PDE11A: variants seen among roughly 807,000 people sequenced by gnomAD.
PDE11A encodes the protein dual 3',5'-cyclic-AMP and -GMP phosphodiesterase 11A.
PDE11A carries 100 observed loss-of-function variants against 100.5 expected under a neutral mutation model. That is an observed-to-expected ratio of 1.00 (90% CI 0.85 to 1.18). The LOEUF (loss-of-function observed/expected upper bound fraction) is 1.18, where lower values mean the gene tolerates loss of function less well. PDE11A is among the 50% of genes most tolerant of loss of function. PDE11A has a pLI of 0.00. For missense variants in PDE11A, 1,141 were observed against 1,152.6 expected, an observed-to-expected ratio of 0.99 and a Z score of 0.15; for synonymous variants, 381 against 420.8, an observed-to-expected ratio of 0.91 and a Z score of 1.16.
chr2:177,810,449 A>AT (rs1237517105), intron 9 of PDE11A, among the ~76,000 whole-genome samples: 1 of 152,170 alleles, frequency 6.6e-6, no homozygotes, highest in African/African-American at 2.4e-5. Flanking sequence ...GGGATTAGAA[A>AT]TTTTTATAGA....
At chr2:177,783,572 C>A (rs796874378) in intron 9 of PDE11A, among the ~76,000 whole-genome samples, 12 of 152,274 alleles carry the variant, frequency 7.9e-5, no homozygotes, top group African/African-American at 2.9e-4. Flanking sequence ...TTATTCCTTG[C>A]AATATAGGCA....
At chr2:177,910,911 G>T (rs544543631) in intron 2 of PDE11A, among the ~76,000 whole-genome samples, 1 of 152,258 alleles carries the variant, frequency 6.6e-6, no homozygotes, top group South Asian at 2.1e-4. Flanking sequence ...GAATGCCGGG[G>T]GTCTACACTG....
intron 1 of PDE11A, among the ~76,000 whole-genome samples, chr2:178,049,312 G>T (rs1559054196): frequency 6.6e-6 from 1 of 152,168 alleles, no homozygotes; most frequent in Non-Finnish European, 1.5e-5. Flanking sequence ...GTGAATAAAA[G>T]AAAGTAATCA....
intron 6 of PDE11A, among the ~76,000 whole-genome samples, chr2:177,836,959 C>T (rs551127668): frequency 2.6e-5 from 4 of 152,242 alleles, no homozygotes; most frequent in African/African-American, 7.2e-5. Flanking sequence ...ACACTCACCA[C>T]AAGGGTCCAC....
chr2:177,823,523 G>T (rs529502848), intron 6 of PDE11A, among the ~76,000 whole-genome samples: 1 of 152,224 alleles, frequency 6.6e-6, no homozygotes, highest in South Asian at 2.1e-4. Context: ...ACCCCATGAA[G>T]TAGGTACTGT....
chr2:177,696,408 T>A (rs2081112944), intron 15 of PDE11A, among the ~76,000 whole-genome samples: 1 of 152,172 alleles, frequency 6.6e-6, no homozygotes, highest in African/African-American at 2.4e-5. Flanking sequence ...GAAAGGCAGC[T>A]GGAGATTGGG....
At chr2:178,060,330 T>A (rs887940283) in intron 1 of PDE11A, among the ~76,000 whole-genome samples, 1 of 151,994 alleles carries the variant, frequency 6.6e-6, no homozygotes, top group African/African-American at 2.4e-5. Flanking sequence ...GGAAAAAAAA[T>A]AAAAGAAAAC....
chr2:177,648,645 G>A (rs1307539635), intron 19 of PDE11A, among the ~76,000 whole-genome samples: 1 of 152,052 alleles, frequency 6.6e-6, no homozygotes, highest in Non-Finnish European at 1.5e-5. Context: ...CTAGGATTAT[G>A]AGACATTAAA....
intron 1 of PDE11A, among the ~76,000 whole-genome samples, chr2:178,016,009 G>C (rs1292040567): frequency 1.3e-5 from 2 of 152,010 alleles, no homozygotes; most frequent in Non-Finnish European, 2.9e-5. Flanking sequence ...CTGTCACCCA[G>C]GCTGGAATGC....
chr2:177,986,701 G>A (rs913200672), intron 2 of PDE11A, among the ~76,000 whole-genome samples: 9 of 151,796 alleles, frequency 5.9e-5, no homozygotes, highest in African/African-American at 1.9e-4. Context: ...CGTGGTGGCG[G>A]GCACCTGTAA....
intron 1 of PDE11A, among the ~76,000 whole-genome samples, chr2:178,048,323 G>C (rs1417811456): frequency 1.3e-5 from 2 of 152,142 alleles, no homozygotes; most frequent in Non-Finnish European, 2.9e-5. Context: ...AGGCAAGAGA[G>C]TATTGGGATG....
At chr2:177,708,521 T>G (rs1389849521) in intron 13 of PDE11A, among the ~76,000 whole-genome samples, 2 of 152,206 alleles carry the variant, frequency 1.3e-5, no homozygotes, top group Non-Finnish European at 2.9e-5. Context: ...AACTATCAGG[T>G]ACTGGGCTTA....
At chr2:178,046,536 T>C (rs1466466112) in intron 1 of PDE11A, among the ~76,000 whole-genome samples, 1 of 152,178 alleles carries the variant, frequency 6.6e-6, no homozygotes, top group Non-Finnish European at 1.5e-5. Context: ...TTGTTTGTTT[T>C]TATAATTGAA....
At chr2:177,649,219 C>T (rs1036403588) in intron 19 of PDE11A, among the ~76,000 whole-genome samples, 2 of 152,096 alleles carry the variant, frequency 1.3e-5, no homozygotes, top group Non-Finnish European at 2.9e-5. Context: ...TGATATCTAT[C>T]ACGATCTCAA....
At chr2:178,036,764 AG>A (rs1252069205) in intron 1 of PDE11A, among the ~76,000 whole-genome samples, 2 of 152,224 alleles carry the variant, frequency 1.3e-5, no homozygotes, top group Non-Finnish European at 2.9e-5. Context: ...AAAAACAAGC[AG>A]TGGAGAAAGG....
chr2:177,729,789 T>A (rs1481664143), intron 10 of PDE11A, among the ~76,000 whole-genome samples: 4 of 152,196 alleles, frequency 2.6e-5, no homozygotes, highest in African/African-American at 9.6e-5. Context: ...CATACAAATG[T>A]GCCTTGGTGT....
intron 17 of PDE11A, among the ~76,000 whole-genome samples, chr2:177,672,142 C>T (rs1403331152): frequency 6.6e-6 from 1 of 152,152 alleles, no homozygotes; most frequent in East Asian, 1.9e-4. Context: ...GGAGGCCTTC[C>T]CACATGGGAA....
At chr2:177,695,300 A>C (rs1200416942) in intron 15 of PDE11A, among the ~76,000 whole-genome samples, 1 of 152,196 alleles carries the variant, frequency 6.6e-6, no homozygotes, top group African/African-American at 2.4e-5. Flanking sequence ...GTCACCTTGA[A>C]TATTTATCAT....
At chr2:177,973,167 C>G (rs2085794957) in intron 2 of PDE11A, among the ~76,000 whole-genome samples, 1 of 148,638 alleles carries the variant, frequency 6.7e-6, no homozygotes, top group Admixed American at 6.7e-5. Context: ...GCATTTCCAT[C>G]TGAGGTACCG....
Sources: allele counts gnomAD v4.1 joint callset (sites outside exome capture counted in the v4.1 genomes callset), GRCh38; gene constraint gnomAD v4.1.1; transcripts MANE v1.5; gene names NCBI Gene and HGNC (gene_info 2026-07-23, HGNC 2026-07-21).